BCL11B: variants seen among roughly 807,000 people sequenced by gnomAD.
BCL11B encodes the protein BCL11 transcription factor B.
Under a neutral mutation model 49.9 loss-of-function variants are expected in BCL11B, and 8 were observed. The observed-to-expected ratio is 0.16, with a 90% CI of 0.09 to 0.29. The LOEUF (loss-of-function observed/expected upper bound fraction) is 0.29, where lower values mean the gene tolerates loss of function less well. Among genes scored for constraint, BCL11B ranks in the 10% least tolerant of loss-of-function variants. BCL11B has a pLI of 1.00. For missense variants in BCL11B, 1,006 were observed against 1,351.0 expected (o/e 0.74, Z 4.00); for synonymous variants, 739 against 637.4 (o/e 1.16, Z -2.40).
At chr14:99,219,692 C>T (rs1887953659) in intron 3 of BCL11B, among the ~76,000 whole-genome samples, 1 of 152,116 alleles carries the variant, frequency 6.6e-6, no homozygotes, top group African/African-American at 2.4e-5. Flanking sequence ...CAAATCAACA[C>T]CCTGAAGACA....
chr14:99,240,101 C>A (rs893467332), intron 2 of BCL11B, among the ~76,000 whole-genome samples: 5 of 151,948 alleles, frequency 3.3e-5, no homozygotes, highest in African/African-American at 1.2e-4. Flanking sequence ...CATAAGGGAA[C>A]AGACAACCAC....
chr14:99,183,247 G>A (rs987685134), intron 3 of BCL11B, among the ~76,000 whole-genome samples: 1 of 152,174 alleles, frequency 6.6e-6, no homozygotes, highest in Admixed American at 6.5e-5. Flanking sequence ...TCTACACGCA[G>A]TGACCATTGA....
At position 99,205,536 on chromosome 14, in the gene BCL11B, C is replaced by T. The variant is rs1312335634; in HGVS notation, c.640+25809G>A. Reference sequence around the variant, plus strand: ...CGACGTGAGGACCTCCTGTGTCACCCTGTCCTGGGCGCTCTGTGAACTTTG... The same window carrying T: ...CGACGTGAGGACCTCCTGTGTCACCTTGTCCTGGGCGCTCTGTGAACTTTG... On this transcript the variant is annotated intron_variant, in intron 3 of 3. Coordinates refer to ENST00000357195, the MANE Select transcript of BCL11B (RefSeq NM_138576.4). This position sits in a 1 kb window ranked among gnomAD's most constrained non-coding sequence, Gnocchi z 5.0. 6.6e-6 allele frequency among the ~76,000 whole-genome samples: 1 copy of T among 152,174 alleles called. No individual in the cohort carries two copies. The highest frequency in any genetic ancestry group is 1.5e-5 in the Non-Finnish European group (1 of 68,030).
intron 3 of BCL11B, among the ~76,000 whole-genome samples, chr14:99,180,204 T>C (rs1221577439): frequency 6.6e-6 from 1 of 152,136 alleles, no homozygotes; most frequent in Non-Finnish European, 1.5e-5. Flanking sequence ...CTGCTGAGAT[T>C]CCCACTGATA....
rs1414806748 is a variant in BCL11B, at chr14:99,231,612, GGC to G, written c.428-57_428-56del. 2 of 1,520,718 alleles carry G rather than the reference GGC, an allele frequency of 1.3e-6. No homozygotes were observed. The highest frequency in any genetic ancestry group is 2.8e-5 in the African/African-American group (2 of 72,434). The allele number at this position is 1,520,718 out of a possible 1,614,324, so 94.2% of individuals were successfully genotyped here. On this transcript the variant is annotated intron_variant, in intron 2 of 3. Coordinates refer to ENST00000357195, the MANE Select transcript of BCL11B (RefSeq NM_138576.4). This position sits in a 1 kb window ranked among gnomAD's most constrained non-coding sequence, Gnocchi z 8.1. ...CAGTCGGGCCCTGGACTGTGTGAGGGGCACGGGGTGGGACGGGGCTCGGGGCG... is the reference window on the plus strand; with the variant it reads ...CAGTCGGGCCCTGGACTGTGTGAGGGACGGGGTGGGACGGGGCTCGGGGCG...
At chr14:99,177,974 T>C (rs933039285) in intron 3 of BCL11B, among the ~76,000 whole-genome samples, 11 of 152,160 alleles carry the variant, frequency 7.2e-5, no homozygotes, top group African/African-American at 2.7e-4. Flanking sequence ...TCCAAGGTCT[T>C]GAGTGTGGCC....
rs115567724 is a variant in BCL11B, at chr14:99,178,438, C to T, written c.641-2243G>A. On this transcript the variant is annotated intron_variant, in intron 3 of 3. Transcript: ENST00000357195. ...CTCCCCACCTAAGATAGGGCAGGGA[C>T]GCCTTCCCAAGGCCCTGGGTGGCCG... 3.1e-3 allele frequency among the ~76,000 whole-genome samples: 475 copies of T among 152,336 alleles called. 2 individuals carry two copies. Among genetic ancestry groups the T allele is most frequent in the African/African-American group, 0.011 (454 of 41,588 alleles).
chr14:99,201,218 G>C (rs1368031686), intron 3 of BCL11B, among the ~76,000 whole-genome samples: 3 of 152,178 alleles, frequency 2.0e-5, no homozygotes, highest in Admixed American at 1.3e-4. Context: ...CAAAACCAAG[G>C]CTCATTGTAA....
chr14:99,232,849 G>T lies in BCL11B; in HGVS notation c.428-1292C>A, dbSNP rs1020915360. ...TAGCCCTGGTTTCTCTAAAACATGGGTTATCCAGGATCAAGGCATCAGGGC... is the reference window on the plus strand; with the variant it reads ...TAGCCCTGGTTTCTCTAAAACATGGTTTATCCAGGATCAAGGCATCAGGGC... On this transcript the variant is annotated intron_variant, in intron 2 of 3. Coordinates refer to ENST00000357195, the MANE Select transcript of BCL11B (RefSeq NM_138576.4). This position sits in a 1 kb window ranked among gnomAD's most constrained non-coding sequence, Gnocchi z 5.1. Among the ~76,000 whole-genome samples the T allele has an allele frequency of 6.6e-6, 1 of 152,146 alleles. No individual in the cohort carries two copies. The highest frequency in any genetic ancestry group is 1.5e-5 in the Non-Finnish European group (1 of 68,024).
At chr14:99,191,119 A>C (rs1887015727) in intron 3 of BCL11B, among the ~76,000 whole-genome samples, 1 of 152,200 alleles carries the variant, frequency 6.6e-6, no homozygotes, top group African/African-American at 2.4e-5. Flanking sequence ...AAAACAGCCT[A>C]GGACAGTGGT....
At chr14:99,261,073 C>T (rs1889323363) in intron 1 of BCL11B, among the ~76,000 whole-genome samples, 2 of 152,236 alleles carry the variant, frequency 1.3e-5, no homozygotes, top group African/African-American at 4.8e-5. Flanking sequence ...GGTTTCCTCT[C>T]CCCACCACCC....
At chr14:99,268,485 C>T (rs1416218920) in intron 1 of BCL11B, among the ~76,000 whole-genome samples, 1 of 152,122 alleles carries the variant, frequency 6.6e-6, no homozygotes, top group African/African-American at 2.4e-5. Flanking sequence ...ATGTGAACTC[C>T]AAGTAGAGGA....
At chr14:99,197,354 G>A (rs781724279) in intron 3 of BCL11B, among the ~76,000 whole-genome samples, 1 of 152,188 alleles carries the variant, frequency 6.6e-6, no homozygotes, top group Non-Finnish European at 1.5e-5. Flanking sequence ...TCTCTTGCCA[G>A]TCAGCTGAAG....
At chr14:99,249,815 A>G (rs1437613597) in intron 2 of BCL11B, among the ~76,000 whole-genome samples, 2 of 152,128 alleles carry the variant, frequency 1.3e-5, no homozygotes, top group East Asian at 1.9e-4. Context: ...ACACAGTAAG[A>G]TCTAGTAAGT....
intron 3 of BCL11B, among the ~76,000 whole-genome samples, chr14:99,229,063 G>GATGC (rs1888246137): frequency 6.7e-6 from 1 of 148,808 alleles, no homozygotes; most frequent in Non-Finnish European, 1.5e-5. Flanking sequence ...TGGATGGATG[G>GATGC]ATGGATGGAT....
In BCL11B at chr14:99,172,954, C is replaced by CCAACCA; in HGVS notation, c.*1196_*1197insTGGTTG. 1 of 218,784 alleles carries CCAACCA rather than the reference C, an allele frequency of 4.6e-6. No individual in the cohort carries two copies. The highest frequency in any genetic ancestry group is 9.2e-6 in the Non-Finnish European group (1 of 108,782). The allele number at this position is 218,784 out of a possible 1,614,324, so 13.6% of individuals were successfully genotyped here. A position where few individuals can be genotyped will look rare whatever the true frequency, so the allele number is the denominator to read the frequency against. ...AAATTTGCAAGATCCCCACCCCACC[C>CCAACCA]ATCCCTACAATATCATCAGTGTGCA... On this transcript the variant is annotated 3_prime_UTR_variant, in exon 4 of 4. Transcript: ENST00000357195.
rs1264169230 is a variant in BCL11B, at chr14:99,247,425, A to C, written c.427+10046T>G. Among the ~76,000 whole-genome samples, 1 of 152,192 alleles carries C rather than the reference A, an allele frequency of 6.6e-6. No homozygotes were observed. Among genetic ancestry groups the C allele is most frequent in the Non-Finnish European group, 1.5e-5 (1 of 68,036 alleles). ...CAGCTGCTGAAGGTGGCAGGGAGTC[A>C]CTGAAGGTTTGTCCCATTTTCTCCC... is the stretch of plus-strand genomic sequence containing the variant. On this transcript the variant is annotated intron_variant, in intron 2 of 3. Transcript: ENST00000357195. The surrounding 1 kb of genome is among the most constrained non-coding windows in gnomAD (Gnocchi z 4.5).
intron 3 of BCL11B, among the ~76,000 whole-genome samples, chr14:99,199,683 T>TGTGTGTGCGCGCGCGCGC (rs759599743): frequency 1.1e-4 from 8 of 73,642 alleles, no homozygotes; most frequent in South Asian, 3.5e-4. Flanking sequence ...TGTGTGTGTG[T>TGTGTGTGCGCGCGCGCGC]GCGCGCGCGC....
chr14:99,179,583 C>A (rs1886642036), intron 3 of BCL11B, among the ~76,000 whole-genome samples: 1 of 148,454 alleles, frequency 6.7e-6, no homozygotes, highest in Admixed American at 6.8e-5. Flanking sequence ...GATGTTTATT[C>A]ATCAGGCTGG....
Sources: allele counts gnomAD v4.1 joint callset (sites outside exome capture counted in the v4.1 genomes callset), GRCh38; gene constraint gnomAD v4.1.1; non-coding constraint Gnocchi (gnomAD v3.1); transcripts MANE v1.5; gene names NCBI Gene and HGNC (gene_info 2026-07-23, HGNC 2026-07-21).